SLC9A2: variants seen among roughly 807,000 people sequenced by gnomAD.
SLC9A2 encodes the protein solute carrier family 9 member A2, also known as sodium/hydrogen exchanger 2.
A neutral mutation model predicts 71.7 loss-of-function variants in SLC9A2; 42 were observed. The ratio of observed to expected loss-of-function variants is 0.59; its 90% CI spans 0.46 to 0.76. The LOEUF is 0.76. SLC9A2 is among the 30% of genes least tolerant of loss of function. The pLI is 0.00. For missense variants in SLC9A2, 829 were observed against 1,017.4 expected, an observed-to-expected ratio of 0.81 and a Z score of 2.52; for synonymous variants, 396 against 392.5, an observed-to-expected ratio of 1.01 and a Z score of -0.10.
At chr2:102,679,999 G>A (rs866227628) in intron 3 of SLC9A2, among the ~76,000 whole-genome samples, 1 of 152,178 alleles carries the variant, frequency 6.6e-6, no homozygotes, top group Admixed American at 6.5e-5. Flanking sequence ...AGAAGGCTGG[G>A]TAGTGGGTAC....
intron 1 of SLC9A2, among the ~76,000 whole-genome samples, chr2:102,652,040 C>T (rs564939423): frequency 3.0e-4 from 46 of 152,258 alleles, no homozygotes; most frequent in Non-Finnish European, 4.1e-4. Flanking sequence ...TTTCCAGACT[C>T]TATGGGATCA....
At chr2:102,664,989 G>A (rs567937130) in intron 2 of SLC9A2, 111 bp from the exon 3 acceptor site, 2 of 1,114,350 alleles carry the variant, frequency 1.8e-6, no homozygotes, top group East Asian at 2.4e-5. Flanking sequence ...TCCTACTTGG[G>A]TACACAGAAG....
intron 3 of SLC9A2, among the ~76,000 whole-genome samples, chr2:102,680,081 T>TTTTGTATAGGATTTGAGAA (rs11274150): frequency 0.045 from 6,822 of 152,278 alleles, 205 homozygotes; most frequent in Non-Finnish European, 0.067. Context: ...TTGAAGTATC[T>TTTTGTATAGGATTTGAGAA]TTTGTATAGG....
At chr2:102,623,978 A>G (rs1193561497) in intron 1 of SLC9A2, among the ~76,000 whole-genome samples, 2 of 152,160 alleles carry the variant, frequency 1.3e-5, no homozygotes, top group Non-Finnish European at 2.9e-5. Context: ...CAGAAGTGAG[A>G]AAATCCATTT....
At chr2:102,653,631 T>C (rs1217602371) in intron 1 of SLC9A2, among the ~76,000 whole-genome samples, 1 of 152,152 alleles carries the variant, frequency 6.6e-6, no homozygotes, top group Non-Finnish European at 1.5e-5. Flanking sequence ...CTGGTTTCCA[T>C]TCTCCAACCT....
At chr2:102,674,014 C>G (rs1191233628) in intron 3 of SLC9A2, among the ~76,000 whole-genome samples, 3 of 152,154 alleles carry the variant, frequency 2.0e-5, no homozygotes, top group East Asian at 3.9e-4. Context: ...GTCTCGAACT[C>G]CTGACCTTGG....
intron 1 of SLC9A2, among the ~76,000 whole-genome samples, chr2:102,633,543 A>T (rs1035401613): frequency 7.9e-5 from 12 of 152,176 alleles, no homozygotes; most frequent in African/African-American, 2.7e-4. Context: ...TTCTGTGAGG[A>T]CGAATCAAAG....
intron 1 of SLC9A2, among the ~76,000 whole-genome samples, chr2:102,637,647 T>A (rs1376051016): frequency 6.6e-6 from 1 of 152,152 alleles, no homozygotes; most frequent in Non-Finnish European, 1.5e-5. Context: ...CTTCACCAGC[T>A]CTGTGTGCTG....
chr2:102,668,673 G>A (rs927976921), intron 3 of SLC9A2, among the ~76,000 whole-genome samples: 1 of 152,208 alleles, frequency 6.6e-6, no homozygotes. Flanking sequence ...TCCTGAGAAA[G>A]GCAACTAGGC....
chr2:102,645,973 A>C (rs2104511400), intron 1 of SLC9A2, among the ~76,000 whole-genome samples: 1 of 152,296 alleles, frequency 6.6e-6, no homozygotes, highest in African/African-American at 2.4e-5. Flanking sequence ...ATACTCCTCA[A>C]GAAGAGCAAC....
chr2:102,651,696 C>A (rs1225398455), intron 1 of SLC9A2, among the ~76,000 whole-genome samples: 1 of 152,194 alleles, frequency 6.6e-6, no homozygotes, highest in Non-Finnish European at 1.5e-5. Flanking sequence ...GACTTATTTT[C>A]TATTTCCCAC....
intron 11 of SLC9A2, among the ~76,000 whole-genome samples, chr2:102,707,607 C>T (rs1160878867): frequency 6.6e-6 from 1 of 152,146 alleles, no homozygotes; most frequent in Non-Finnish European, 1.5e-5. Flanking sequence ...TAAAGGAAAT[C>T]AGCAAAACCA....
intron 3 of SLC9A2, among the ~76,000 whole-genome samples, chr2:102,681,862 A>G (rs1432968624): frequency 6.6e-6 from 1 of 152,228 alleles, no homozygotes; most frequent in Non-Finnish European, 1.5e-5. Context: ...TGAACAACAG[A>G]TATGTTACTT....
chr2:102,631,860 T>C (rs992992052), intron 1 of SLC9A2, among the ~76,000 whole-genome samples: 1 of 151,264 alleles, frequency 6.6e-6, no homozygotes, highest in Non-Finnish European at 1.5e-5. Flanking sequence ...GTGTTTGACC[T>C]AAGTTTTGGG....
intron 3 of SLC9A2, among the ~76,000 whole-genome samples, chr2:102,668,369 T>C (rs542662576): frequency 7.7e-6 from 1 of 129,634 alleles, no homozygotes; most frequent in East Asian, 2.3e-4. Context: ...CCCGCCCCTC[T>C]CTAAAGTGCA....
chr2:102,647,272 G>C (rs1676746783), intron 1 of SLC9A2, among the ~76,000 whole-genome samples: 2 of 152,108 alleles, frequency 1.3e-5, no homozygotes, highest in Non-Finnish European at 2.9e-5. Context: ...AATTAAGGCA[G>C]AAATAAATAA....
chr2:102,626,710 T>A (rs1055127840), intron 1 of SLC9A2, among the ~76,000 whole-genome samples: 1 of 151,776 alleles, frequency 6.6e-6, no homozygotes, highest in Non-Finnish European at 1.5e-5. Context: ...TACAAAGAAC[T>A]CAAACAAATT....
At chr2:102,658,273 C>T (rs373207794) in intron 2 of SLC9A2, among the ~76,000 whole-genome samples, 42 of 152,046 alleles carry the variant, frequency 2.8e-4, no homozygotes, top group Admixed American at 6.5e-4. Context: ...TCATTTTGCA[C>T]GGGGCCCCAC....
chr2:102,660,104 T>C lies in SLC9A2; in HGVS notation c.753+2077T>C, dbSNP rs377035144. 8.5e-5 allele frequency among the ~76,000 whole-genome samples: 13 copies of C among 152,266 alleles called. No individual in the cohort carries two copies. In the East Asian group the frequency reaches 2.1e-3, roughly 25 times the overall value. On this transcript the variant is annotated intron_variant, in intron 2 of 11. Coordinates refer to ENST00000233969, the MANE Select transcript of SLC9A2 (RefSeq NM_003048.6). ...GATAGGGTCTGGCTAAGTCACTGTT[T>C]AGAGTATGCAAAGGTAGCAGGCCAT...
Sources: allele counts gnomAD v4.1 joint callset (sites outside exome capture counted in the v4.1 genomes callset), GRCh38; gene constraint gnomAD v4.1.1; transcripts MANE v1.5; gene names NCBI Gene and HGNC (gene_info 2026-07-23, HGNC 2026-07-21).